Variants in ANKIB1 observed in about 807,000 individuals in gnomAD.
ANKIB1 encodes ankyrin repeat and IBR domain containing 1.
A neutral mutation model predicts 122.1 loss-of-function variants in ANKIB1; 43 were observed. The observed-to-expected ratio is 0.35, with a 90% CI of 0.28 to 0.45. The LOEUF (loss-of-function observed/expected upper bound fraction) is 0.45, where lower values mean the gene tolerates loss of function less well. ANKIB1 is among the 20% of genes least tolerant of loss of function. The pLI is 1.00. For synonymous variants in ANKIB1, 390 were observed against 442.0 expected (o/e 0.88, Z 1.48); for missense variants, 992 against 1,329.5 (o/e 0.75, Z 3.95).
In ANKIB1 at chr7:92,295,165, G is replaced by A; in HGVS notation, c.187G>A (p.Gly63Arg). The A allele has an allele frequency of 1.3e-6, 2 of 1,538,142 alleles. No homozygotes were observed. The highest frequency in any genetic ancestry group is 1.8e-6 in the Non-Finnish European group (2 of 1,139,714). The change falls in exon 2 of 20, where the codon GGG becomes AGG. Residue 63 changes from glycine (G) to arginine (R), a missense_variant and splice_region_variant. Physicochemically the swap from Gly to Arg is moderately radical, Grantham distance 125. Coordinates refer to ENST00000265742, the MANE Select transcript of ANKIB1 (RefSeq NM_019004.2). ...TAGACATGGAATGAATAAAATATTA[G>A]GGTAAGTATTACTATAAACTAATTG... ...AARHGMNKIL[G>R]TFLGRDGNPN...
chr7:92,319,218 A>ACT (rs1802855099), intron 3 of ANKIB1, 112 bp from the exon 4 acceptor site: 1 of 662,130 alleles, frequency 1.5e-6, no homozygotes, highest in Non-Finnish European at 2.5e-6. Context: ...TACTGTACAT[A>ACT]CTGTTGCATT....
chr7:92,381,976 T>C (rs1403797206), intron 11 of ANKIB1, among the ~76,000 whole-genome samples: 1 of 152,036 alleles, frequency 6.6e-6, no homozygotes, highest in Non-Finnish European at 1.5e-5. Context: ...GACTTATCAA[T>C]GTGCTGTATT....
At chr7:92,371,696 G>A (rs1804257794) in intron 11 of ANKIB1, 89 bp downstream of exon 11, 3 of 1,431,200 alleles carry the variant, frequency 2.1e-6, no homozygotes, top group African/African-American at 1.4e-5. Context: ...TATTTGAGGG[G>A]GCCTGGTGCA....
intron 11 of ANKIB1, among the ~76,000 whole-genome samples, chr7:92,384,361 T>C (rs1044190702): frequency 3.3e-5 from 5 of 152,198 alleles, no homozygotes; most frequent in Non-Finnish European, 5.9e-5. Context: ...CCAATGACTT[T>C]CTTTACAGAA....
intron 10 of ANKIB1, among the ~76,000 whole-genome samples, chr7:92,367,100 G>A (rs187675217): frequency 2.7e-4 from 41 of 152,260 alleles, no homozygotes; most frequent in Non-Finnish European, 4.9e-4. Flanking sequence ...GTATATACAT[G>A]GTTACTTCTA....
chr7:92,355,447 C>G (rs1803779343), intron 9 of ANKIB1, among the ~76,000 whole-genome samples: 1 of 152,308 alleles, frequency 6.6e-6, no homozygotes, highest in East Asian at 1.9e-4. Flanking sequence ...CCCTTTTAAT[C>G]ACCAGTGTGA....
At chr7:92,280,507 G>T (rs187266652) in intron 1 of ANKIB1, among the ~76,000 whole-genome samples, 21 of 148,852 alleles carry the variant, frequency 1.4e-4, no homozygotes, top group Admixed American at 1.4e-3. Flanking sequence ...CTTGGGAGTT[G>T]ATTTAACCTT....
intron 1 of ANKIB1, among the ~76,000 whole-genome samples, chr7:92,257,058 T>C (rs1801461883): frequency 6.6e-6 from 1 of 152,012 alleles, no homozygotes; most frequent in Admixed American, 6.5e-5. Context: ...GGCATGGTGG[T>C]GCGTGCCTGT....
chr7:92,308,738 A>G (rs1266910735), intron 3 of ANKIB1, among the ~76,000 whole-genome samples: 3 of 152,148 alleles, frequency 2.0e-5, no homozygotes, highest in Admixed American at 1.3e-4. Flanking sequence ...TCACTACTAT[A>G]CATACAACAG....
chr7:92,300,043 G>A (rs1197640836), intron 2 of ANKIB1, among the ~76,000 whole-genome samples: 1 of 152,090 alleles, frequency 6.6e-6, no homozygotes, highest in Non-Finnish European at 1.5e-5. Context: ...CTGAGCTCAA[G>A]CAGTCCACCC....
chr7:92,319,870 G>C (rs1295849263), intron 4 of ANKIB1: 4 of 193,044 alleles, frequency 2.1e-5, no homozygotes, highest in East Asian at 1.7e-4. Flanking sequence ...AAGAGTTCAA[G>C]GCTGCCATGA....
intron 3 of ANKIB1, among the ~76,000 whole-genome samples, chr7:92,312,742 T>C (rs1433844886): frequency 1.3e-5 from 2 of 152,164 alleles, no homozygotes; most frequent in Non-Finnish European, 2.9e-5. Context: ...ATTATCAATA[T>C]GTAACAGGTC....
At chr7:92,364,236 C>T (rs1402704543) in intron 10 of ANKIB1, among the ~76,000 whole-genome samples, 1 of 149,714 alleles carries the variant, frequency 6.7e-6, no homozygotes, top group African/African-American at 2.5e-5. Context: ...TCGCTTGAAC[C>T]CAGGAGGTGG....
intron 10 of ANKIB1, among the ~76,000 whole-genome samples, chr7:92,363,956 A>G (rs1324679327): frequency 6.6e-6 from 1 of 152,150 alleles, no homozygotes; most frequent in Non-Finnish European, 1.5e-5. Context: ...TAATCTTTGG[A>G]TATTTTATAG....
At chr7:92,322,740 C>A (rs1350421668) in intron 4 of ANKIB1, among the ~76,000 whole-genome samples, 1 of 152,096 alleles carries the variant, frequency 6.6e-6, no homozygotes, top group Non-Finnish European at 1.5e-5. Flanking sequence ...TATTGCTAAA[C>A]TTCTAAGTAA....
intron 2 of ANKIB1, among the ~76,000 whole-genome samples, chr7:92,303,521 G>C (rs1448409953): frequency 6.6e-6 from 1 of 152,166 alleles, no homozygotes; most frequent in Non-Finnish European, 1.5e-5. Flanking sequence ...GGCTTTCAGA[G>C]TGGATGGACT....
intron 1 of ANKIB1, among the ~76,000 whole-genome samples, chr7:92,294,249 A>G (rs1476236940): frequency 2.6e-5 from 4 of 152,212 alleles, no homozygotes; most frequent in East Asian, 3.8e-4. Flanking sequence ...TAAATTCTGT[A>G]TAGCAGAAAG....
rs1039962866 is a variant in ANKIB1 at position 92,249,804 on chromosome 7, G to A, written c.-91+3285G>A. On this transcript the variant is annotated intron_variant, in intron 1 of 19. Transcript: ENST00000265742. ...TCACCATGCTAAGTGCTTTACATAC[G>A]TTATCTCATTTAATCCTTAGAACAG... is the stretch of plus-strand genomic sequence containing the variant. Among the ~76,000 whole-genome samples, 5 of 151,580 alleles carry A rather than the reference G, an allele frequency of 3.3e-5. No individual in the cohort carries two copies. In the East Asian group the frequency reaches 9.7e-4, roughly 29 times the overall value.
chr7:92,256,245 A>T (rs1427275542), intron 1 of ANKIB1, among the ~76,000 whole-genome samples: 1 of 152,196 alleles, frequency 6.6e-6, no homozygotes, highest in Non-Finnish European at 1.5e-5. Flanking sequence ...GAAGAGATGA[A>T]TCCTGGTCTT....
Sources: allele counts gnomAD v4.1 joint callset (sites outside exome capture counted in the v4.1 genomes callset), GRCh38; gene constraint gnomAD v4.1.1; transcripts MANE v1.5; gene names NCBI Gene and HGNC (gene_info 2026-07-23, HGNC 2026-07-21).